LMO3: variants seen among roughly 807,000 people sequenced by gnomAD.
The protein encoded by LMO3 is LIM domain only protein 3.
In LMO3, 2 loss-of-function variants were observed where a neutral mutation model predicts 15.8. The ratio of observed to expected loss-of-function variants is 0.13; its 90% confidence interval spans 0.05 to 0.40. The LOEUF is 0.40. Ranked by LOEUF, LMO3 falls within the 10% of genes least tolerant of loss-of-function variation. The pLI, the probability that LMO3 is intolerant of heterozygous loss-of-function variation, is 0.99. For synonymous variants in LMO3, 62 were observed against 63.8 expected, an observed-to-expected ratio of 0.97 and a Z score of 0.13; for missense variants, 86 against 182.2, an observed-to-expected ratio of 0.47 and a Z score of 3.04.
intron 2 of LMO3, chr12:16,573,537 A>G (rs1942893363): frequency 6.6e-6 from 1 of 152,216 alleles, no homozygotes; most frequent in Non-Finnish European, 1.5e-5. Context: ...GTCAGCTGCA[A>G]AGGCGATAAG....
rs747104253 is a variant in LMO3, at chr12:16,604,908, C to CT, written c.-9+1157dup. 5 of 1,598,462 alleles carry CT rather than the reference C, an allele frequency of 3.1e-6. No homozygotes were observed. The highest frequency in any genetic ancestry group is 4.2e-6 in the Non-Finnish European group (5 of 1,179,810). On this transcript the variant is annotated intron_variant, in intron 1 of 3. Transcript: ENST00000537304. The surrounding 1 kb of genome is among the most constrained non-coding windows in gnomAD (Gnocchi z 5.3). Reference sequence around the variant, plus strand: ...TCTGCATGAGTTGACTTAGGCGTGTCTGAGTTGCAGCAGCTTCGCATTGAG... The same window carrying CT: ...TCTGCATGAGTTGACTTAGGCGTGTCTTGAGTTGCAGCAGCTTCGCATTGAG...
intron 2 of LMO3, among the ~76,000 whole-genome samples, chr12:16,578,872 C>T (rs1015835060): frequency 6.6e-6 from 1 of 151,758 alleles, no homozygotes; most frequent in Non-Finnish European, 1.5e-5. Flanking sequence ...CATTAATTCA[C>T]TAGAAGAATA....
chr12:16,557,377 T>G (rs1711926463), intron 3 of LMO3, among the ~76,000 whole-genome samples: 2 of 151,636 alleles, frequency 1.3e-5, no homozygotes, highest in South Asian at 4.2e-4. Flanking sequence ...ATTTTTTTTT[T>G]TTTTTTTTAA....
Position 16,606,021 on chromosome 12 carries a change from C to T in LMO3, c.-9+45G>A, listed in dbSNP as rs1314130252. 4 of 604,300 alleles carry T rather than the reference C, an allele frequency of 6.6e-6. No homozygotes were observed. The East Asian group carries it at 1.1e-4, about 17-fold the overall frequency. 37.4% of individuals were successfully genotyped at this position (604,300 alleles called of 1,614,324 possible). On this transcript the variant is annotated intron_variant, in intron 1 of 3. Coordinates refer to ENST00000537304, the MANE Select transcript of LMO3 (RefSeq NM_018640.5). Reference sequence around the variant, plus strand: ...GCACGCGCGCACCCGCAGACACACACACCACAAATAAGCCGACGCGTGTGT... The same window carrying T: ...GCACGCGCGCACCCGCAGACACACATACCACAAATAAGCCGACGCGTGTGT...
Position 16,582,830 on chromosome 12 carries a change from C to T in LMO3, c.206+17825G>A, listed in dbSNP as rs565883440. Among the ~76,000 whole-genome samples, 1 of 152,118 alleles carries T rather than the reference C, an allele frequency of 6.6e-6. No individual in the cohort carries two copies. Among genetic ancestry groups the T allele is most frequent in the African/African-American group, 2.4e-5 (1 of 41,528 alleles). ...TGGGAGGCCAAATTGAGTGGATCAC[C>T]TGAGGTCAGGAGTTCGAGACCAGCC... On this transcript the variant is annotated intron_variant, in intron 2 of 3. Coordinates refer to ENST00000537304, the MANE Select transcript of LMO3 (RefSeq NM_018640.5). This position sits in a 1 kb window ranked among gnomAD's most constrained non-coding sequence, Gnocchi z 4.1.
chr12:16,586,517 A>G lies in LMO3; in HGVS notation c.206+14138T>C, dbSNP rs1943325776. On this transcript the variant is annotated intron_variant, in intron 2 of 3. Transcript: ENST00000537304. The surrounding 1 kb of genome is among the most constrained non-coding windows in gnomAD (Gnocchi z 4.3). ...ATTATCTTCTACGTCCACAGAAAAA[A>G]ATCTGTTGTATAATATTGTCAGATT... Among the ~76,000 whole-genome samples, 1 of 152,142 alleles carries G rather than the reference A, an allele frequency of 6.6e-6. No homozygotes were observed. Among genetic ancestry groups the G allele is most frequent in the African/African-American group, 2.4e-5 (1 of 41,438 alleles).
intron 3 of LMO3, among the ~76,000 whole-genome samples, chr12:16,552,769 T>C (rs1591764234): frequency 6.6e-6 from 1 of 152,220 alleles, no homozygotes; most frequent in East Asian, 1.9e-4. Flanking sequence ...CTGGATACAA[T>C]GAACATTCAA....
At chr12:16,552,575 A>T (rs1199073054) in intron 3 of LMO3, among the ~76,000 whole-genome samples, 1 of 152,100 alleles carries the variant, frequency 6.6e-6, no homozygotes, top group Non-Finnish European at 1.5e-5. Context: ...CTAAGTAGAT[A>T]GAGAGGAAAA....
chr12:16,604,834 A>C lies in LMO3; in HGVS notation c.-9+1232T>G, dbSNP rs915719848. ...GCGGCCAGGAGTGCAGAGCGCCAGC[A>C]AAGTGCATCTATGATAGACTGTAAC... On this transcript the variant is annotated intron_variant, in intron 1 of 3. Coordinates refer to ENST00000537304, the MANE Select transcript of LMO3 (RefSeq NM_018640.5). This position sits in a 1 kb window ranked among gnomAD's most constrained non-coding sequence, Gnocchi z 5.3. 1.9e-6 allele frequency: 3 copies of C among 1,598,048 alleles called. No individual in the cohort carries two copies. Among genetic ancestry groups the C allele is most frequent in the Non-Finnish European group, 8.5e-7 (1 of 1,179,414 alleles).
Position 16,573,092 on chromosome 12 carries a change from T to C in LMO3, c.207-12554A>G, listed in dbSNP as rs982452014. Among the ~76,000 whole-genome samples the C allele has an allele frequency of 1.5e-4, 23 of 152,188 alleles. No homozygotes were observed. In the South Asian group the frequency reaches 4.6e-3, roughly 30 times the overall value. The stretch of plus-strand genomic sequence containing the variant: ...GGAAAGAAAAAATACCTTTTTTTTT[T>C]CCTATGAAAGTTAGGAGTAAGCCAC... On this transcript the variant is annotated intron_variant, in intron 2 of 3. Transcript: ENST00000537304.
intron 2 of LMO3, among the ~76,000 whole-genome samples, chr12:16,592,893 C>T (rs1943537427): frequency 6.6e-6 from 1 of 151,808 alleles, no homozygotes; most frequent in African/African-American, 2.4e-5. Flanking sequence ...ATAAACATCT[C>T]TGTTAGAACT....
In LMO3 at chr12:16,582,945, G is replaced by A. The variant is rs1943206693; in HGVS notation, c.206+17710C>T. ...ACCTGTAATCCCAGCTACTCAGGAG[G>A]CTAATGCAGGAAAATCTCTTGAAGC... On this transcript the variant is annotated intron_variant, in intron 2 of 3. Transcript: ENST00000537304. This position sits in a 1 kb window ranked among gnomAD's most constrained non-coding sequence, Gnocchi z 4.1. Among the ~76,000 whole-genome samples, 1 of 151,348 alleles carries A rather than the reference G, an allele frequency of 6.6e-6. No homozygotes were observed. Among genetic ancestry groups the A allele is most frequent in the African/African-American group, 2.4e-5 (1 of 41,138 alleles).
chr12:16,594,236 T>C, intron 2 of LMO3: 1 of 1,532,062 alleles, frequency 6.5e-7, no homozygotes, highest in Non-Finnish European at 8.7e-7. Flanking sequence ...AGCATGTATG[T>C]ATATAGATCC....
intron 3 of LMO3, among the ~76,000 whole-genome samples, chr12:16,557,085 A>G (rs1159135447): frequency 2.0e-5 from 3 of 152,178 alleles, no homozygotes; most frequent in African/African-American, 2.4e-5. Flanking sequence ...TTTTATTTCA[A>G]TGGTGAAATA....
chr12:16,569,787 A>G (rs1942748523), intron 2 of LMO3, among the ~76,000 whole-genome samples: 3 of 152,216 alleles, frequency 2.0e-5, no homozygotes, highest in African/African-American at 7.2e-5. Context: ...ATAGTTATGG[A>G]AAGAACTAGA....
At chr12:16,601,278 T>C (rs998215586) in intron 1 of LMO3, among the ~76,000 whole-genome samples, 2 of 152,142 alleles carry the variant, frequency 1.3e-5, no homozygotes, top group African/African-American at 4.8e-5. Context: ...AGTAAAAAAA[T>C]GAGTTTTGCT....
intron 2 of LMO3, among the ~76,000 whole-genome samples, chr12:16,570,446 A>G (rs926296040): frequency 1.3e-5 from 2 of 152,168 alleles, no homozygotes; most frequent in Non-Finnish European, 2.9e-5. Context: ...CAAATACTGA[A>G]ATTTTCAACA....
intron 3 of LMO3, 28 bp from the exon 4 acceptor site, chr12:16,551,355 G>A (rs752473701): frequency 6.9e-6 from 9 of 1,302,828 alleles, no homozygotes; most frequent in Non-Finnish European, 1.0e-5. Context: ...AATAAAATGT[G>A]GTTAAGACCA....
At chr12:16,558,530 T>C (rs1277258212) in intron 3 of LMO3, among the ~76,000 whole-genome samples, 1 of 152,086 alleles carries the variant, frequency 6.6e-6, no homozygotes, top group African/African-American at 2.4e-5. Flanking sequence ...GTGGGAATGT[T>C]TGTGTTTGTA....
Sources: gnomAD v4.1 joint callset for allele counts (sites outside exome capture counted in the v4.1 genomes callset) on GRCh38, gnomAD v4.1.1 for gene constraint, Gnocchi (gnomAD v3.1) non-coding constraint, MANE v1.5 for transcripts, NCBI Gene and HGNC (gene_info 2026-07-23, HGNC 2026-07-21) for gene names.